Variants in PTDSS1 observed in about 807,000 individuals in gnomAD.
PTDSS1 encodes phosphatidylserine synthase 1.
In PTDSS1, 45 loss-of-function variants were observed where a neutral mutation model predicts 70.5. The ratio of observed to expected loss-of-function variants is 0.64; its 90% CI spans 0.50 to 0.82. The LOEUF (loss-of-function observed/expected upper bound fraction) is 0.82. Among genes scored for constraint, PTDSS1 ranks in the 40% least tolerant of loss-of-function variants. The pLI is 0.00. For synonymous variants in PTDSS1, 188 were observed against 203.8 expected, an observed-to-expected ratio of 0.92 and a Z score of 0.66; for missense variants, 417 against 586.1, an observed-to-expected ratio of 0.71 and a Z score of 2.98.
intron 2 of PTDSS1, among the ~76,000 whole-genome samples, chr8:96,273,929 C>A (rs114330255): frequency 2.0e-5 from 3 of 152,104 alleles, no homozygotes; most frequent in African/African-American, 7.2e-5. Flanking sequence ...GTGAATTTTA[C>A]CCCCATCATG....
intron 6 of PTDSS1, among the ~76,000 whole-genome samples, 192 bp from the exon 7 acceptor site, chr8:96,303,848 C>T (rs562733710): frequency 6.6e-6 from 1 of 152,262 alleles, no homozygotes; most frequent in South Asian, 2.1e-4. Flanking sequence ...AATGAGATTC[C>T]TCATTGAGTG....
At chr8:96,330,437 T>G in intron 11 of PTDSS1, 156 bp downstream of exon 11, 1 of 676,368 alleles carries the variant, frequency 1.5e-6, no homozygotes, top group Non-Finnish European at 2.5e-6. Flanking sequence ...TCACAACTCA[T>G]TCCCTAGCCA....
intron 6 of PTDSS1, among the ~76,000 whole-genome samples, chr8:96,303,592 C>G (rs1811079934): frequency 6.6e-6 from 1 of 152,156 alleles, no homozygotes; most frequent in Admixed American, 6.5e-5. Flanking sequence ...TTAATGTCTG[C>G]ATTTGTAAAC....
chr8:96,299,984 A>G (rs1462041660), intron 6 of PTDSS1, 139 bp downstream of exon 6: 12 of 1,137,112 alleles, frequency 1.1e-5, no homozygotes, highest in Non-Finnish European at 1.3e-5. Context: ...ATAAATGATT[A>G]TAAACCTGAT....
intron 1 of PTDSS1, among the ~76,000 whole-genome samples, chr8:96,267,978 C>T (rs1810512046): frequency 6.6e-6 from 1 of 152,192 alleles, no homozygotes; most frequent in East Asian, 1.9e-4. Flanking sequence ...TTCCAAGAAG[C>T]ACAGAGGAAG....
chr8:96,281,843 C>A (rs1243538056), intron 2 of PTDSS1, among the ~76,000 whole-genome samples: 1 of 152,182 alleles, frequency 6.6e-6, no homozygotes, highest in Non-Finnish European at 1.5e-5. Flanking sequence ...TGACCCCGGG[C>A]AGGTTCCTCT....
intron 9 of PTDSS1, among the ~76,000 whole-genome samples, chr8:96,312,721 A>G (rs1050833538): frequency 4.6e-5 from 7 of 152,086 alleles, no homozygotes; most frequent in Non-Finnish European, 8.8e-5. Flanking sequence ...CACCCAGTGG[A>G]TCCTCCTGTG....
At chr8:96,266,161 C>T (rs972477063) in intron 1 of PTDSS1, among the ~76,000 whole-genome samples, 5 of 152,232 alleles carry the variant, frequency 3.3e-5, no homozygotes, top group Admixed American at 3.3e-4. Flanking sequence ...TATTAATTCA[C>T]ATTCAAAGAA....
intron 2 of PTDSS1, among the ~76,000 whole-genome samples, chr8:96,282,160 T>C (rs1030525387): frequency 6.6e-6 from 1 of 152,194 alleles, no homozygotes; most frequent in Non-Finnish European, 1.5e-5. Flanking sequence ...ATAGATAAAG[T>C]AATATTTACA....
chr8:96,326,653 G>T (rs1390540521), intron 10 of PTDSS1, among the ~76,000 whole-genome samples: 1 of 152,166 alleles, frequency 6.6e-6, no homozygotes, highest in Non-Finnish European at 1.5e-5. Flanking sequence ...AGTAGGACAG[G>T]GTCCCCTGCT....
intron 10 of PTDSS1, among the ~76,000 whole-genome samples, chr8:96,329,076 G>A (rs1811477079): frequency 6.6e-6 from 1 of 152,110 alleles, no homozygotes. Flanking sequence ...TGACCTTTTG[G>A]ATCTAAAGTT....
rs1016942159 is a variant in PTDSS1 at position 96,335,657 on chromosome 8, C to T, written c.*2091C>T. On this transcript the variant is annotated 3_prime_UTR_variant, in exon 13 of 13. Coordinates refer to ENST00000517309, the MANE Select transcript of PTDSS1 (RefSeq NM_014754.3). Reference sequence around the variant, plus strand: ...GGAAAGTTCTCAGATACTTTCCATGCCCTTTCTTTGAGTTGAAACTTTCTA... The same window carrying T: ...GGAAAGTTCTCAGATACTTTCCATGTCCTTTCTTTGAGTTGAAACTTTCTA... 6.6e-6 allele frequency: 1 copy of T among 152,154 alleles called. No homozygotes were observed. Among genetic ancestry groups the T allele is most frequent in the Admixed American group, 6.5e-5 (1 of 15,274 alleles). 9.4% of individuals were successfully genotyped at this position (152,154 alleles called of 1,614,324 possible).
chr8:96,327,339 A>G (rs1811452309), intron 10 of PTDSS1, among the ~76,000 whole-genome samples: 1 of 152,102 alleles, frequency 6.6e-6, no homozygotes, highest in African/African-American at 2.4e-5. Context: ...GACAGGCAGA[A>G]TCTCTGATTA....
Position 96,295,254 on chromosome 8 carries a change from G to A in PTDSS1, c.598G>A (p.Glu200Lys), listed in dbSNP as rs1348365904. The change falls in exon 5 of 13, where the codon GAG (glutamate) becomes AAG (lysine). Residue 200 changes from glutamate to lysine, a missense_variant and splice_region_variant. Glu to Lys is a moderately conservative substitution (Grantham distance 56). Coordinates refer to ENST00000517309, the MANE Select transcript of PTDSS1 (RefSeq NM_014754.3). ...AATCAGTATTACCTGGGAGCTGACT[G>A]AGGTAAGAAGGAGGGCATTGGGGGT... ...WTISITWELT[E>K]LFFMHLLPNF... 1 of 1,612,898 alleles carries A rather than the reference G, an allele frequency of 6.2e-7. No homozygotes were observed. The highest frequency in any genetic ancestry group is 8.5e-7 in the Non-Finnish European group (1 of 1,179,356).
intron 12 of PTDSS1, among the ~76,000 whole-genome samples, chr8:96,333,207 A>C (rs1294726464): frequency 6.6e-6 from 1 of 152,194 alleles, no homozygotes; most frequent in Non-Finnish European, 1.5e-5. Flanking sequence ...CACAGGACAG[A>C]TGTACACACG....
chr8:96,325,759 G>A (rs749207558), intron 10 of PTDSS1, among the ~76,000 whole-genome samples: 3 of 152,138 alleles, frequency 2.0e-5, no homozygotes, highest in Admixed American at 2.0e-4. Flanking sequence ...GCTTGAGAGG[G>A]CACAATAACA....
At chr8:96,287,411 T>G (rs1269973914) in intron 4 of PTDSS1, 1 of 420,422 alleles carries the variant, frequency 2.4e-6, no homozygotes, top group East Asian at 4.1e-5. Flanking sequence ...GAATTCTGCC[T>G]CTGTTACTTG....
chr8:96,283,875 A>G (rs1224978092), intron 2 of PTDSS1: 2 of 456,810 alleles, frequency 4.4e-6, no homozygotes, highest in Non-Finnish European at 7.7e-6. Flanking sequence ...CTTTATAAAA[A>G]ATCTCTGTTG....
At chr8:96,332,404 A>G (rs1172317880) in intron 12 of PTDSS1, among the ~76,000 whole-genome samples, 1 of 152,242 alleles carries the variant, frequency 6.6e-6, no homozygotes, top group African/African-American at 2.4e-5. Context: ...TGTTGCAGTC[A>G]TTCTCCTAAG....
Sources: allele counts gnomAD v4.1 joint callset (sites outside exome capture counted in the v4.1 genomes callset), GRCh38; gene constraint gnomAD v4.1.1; transcripts MANE v1.5; gene names NCBI Gene and HGNC (gene_info 2026-07-23, HGNC 2026-07-21).